SMARCA4: variants seen among roughly 807,000 people sequenced by gnomAD.
SMARCA4 encodes SWI/SNF-related matrix-associated actin-dependent regulator of chromatin subfamily A member 4.
Under a neutral mutation model 193.9 loss-of-function variants are expected in SMARCA4, and 31 were observed. The ratio of observed to expected loss-of-function variants is 0.16; its 90% CI spans 0.12 to 0.22. SMARCA4 has a LOEUF of 0.22. Among genes scored for constraint, SMARCA4 ranks in the 10% least tolerant of loss-of-function variants. The pLI, the probability that SMARCA4 is intolerant of heterozygous loss-of-function variation, is 1.00. For missense variants in SMARCA4, 1,148 were observed against 2,296.0 expected, an observed-to-expected ratio of 0.50 and a Z score of 10.22; for synonymous variants, 942 against 933.1, an observed-to-expected ratio of 1.01 and a Z score of -0.17.
chr19:11,026,187 G>A (rs1192268191), intron 22 of SMARCA4, 113 bp from the exon 23 acceptor site: 12 of 861,018 alleles, frequency 1.4e-5, no homozygotes, highest in East Asian at 4.8e-5. Flanking sequence ...GGCCCGTGCC[G>A]AGCACACAGT....
At chr19:11,054,875 C>G (rs994381087) in intron 30 of SMARCA4, among the ~76,000 whole-genome samples, 1 of 152,170 alleles carries the variant, frequency 6.6e-6, no homozygotes, top group Non-Finnish European at 1.5e-5. Context: ...TGGGGGTGGA[C>G]TCCCCTTTGT....
Position 10,995,189 on chromosome 19 carries a change from C to G in SMARCA4, c.1593+188C>G, listed in dbSNP as rs11881798. On this transcript the variant is annotated intron_variant, in intron 9 of 34. Coordinates refer to ENST00000344626, the MANE Select transcript of SMARCA4 (RefSeq NM_003072.5). Reference sequence around the variant, plus strand: ...TCGGATATTTGCTGATCTCTCTGATCATCAGAATGACTGTGTGACCTCAGG... The same window carrying G: ...TCGGATATTTGCTGATCTCTCTGATGATCAGAATGACTGTGTGACCTCAGG... The G allele has an allele frequency of 4.0e-3, 2,772 of 694,832 alleles. 48 individuals are homozygous for G. The African/African-American group carries it at 0.043, about 11-fold the overall frequency. The allele number at this position is 694,832 out of a possible 1,614,324, so 43.0% of individuals were successfully genotyped here.
chr19:10,994,305 A>G (rs1206786446), intron 8 of SMARCA4, among the ~76,000 whole-genome samples: 2 of 142,796 alleles, frequency 1.4e-5, no homozygotes, highest in Admixed American at 7.2e-5. Flanking sequence ...AGCCTCCCAA[A>G]GCGATATTCT....
Position 11,031,853 on chromosome 19 carries a change from T to C in SMARCA4, c.3546+960T>C, listed in dbSNP as rs1370086069. 2.6e-5 allele frequency: 4 copies of C among 152,256 alleles called. No individual in the cohort carries two copies. Among genetic ancestry groups the C allele is most frequent in the Non-Finnish European group, 5.9e-5 (4 of 68,080 alleles). 9.4% of individuals were successfully genotyped at this position (152,256 alleles called of 1,614,324 possible). A position where few individuals can be genotyped will look rare whatever the true frequency, so the allele number is the denominator to read the frequency against. The stretch of plus-strand genomic sequence containing the variant: ...TGGGGTCGCTCCACCCCAGACATTG[T>C]CCTCTTCGTGTTCTGGTTGCTACTG... On this transcript the variant is annotated intron_variant, in intron 25 of 34. Coordinates refer to ENST00000344626, the MANE Select transcript of SMARCA4 (RefSeq NM_003072.5). This position sits in a 1 kb window ranked among gnomAD's most constrained non-coding sequence, Gnocchi z 4.3.
In SMARCA4 at chr19:11,033,148, A is replaced by G. The variant is rs1159455734; in HGVS notation, c.3547-142A>G. The G allele has an allele frequency of 5.6e-6, 4 of 715,290 alleles. No individual in the cohort carries two copies. The East Asian group carries it at 8.0e-5, about 14-fold the overall frequency. The allele number at this position is 715,290 out of a possible 1,614,324, so 44.3% of individuals were successfully genotyped here. On this transcript the variant is annotated intron_variant, in intron 25 of 34. Coordinates refer to ENST00000344626, the MANE Select transcript of SMARCA4 (RefSeq NM_003072.5). This position sits in a 1 kb window ranked among gnomAD's most constrained non-coding sequence, Gnocchi z 9.8. Reference sequence around the variant, plus strand: ...CCCAGGCTCCACCAGCTCTGTTTTCATGCGGCGGCAGGTCAGGCTGGGCAG... The same window carrying G: ...CCCAGGCTCCACCAGCTCTGTTTTCGTGCGGCGGCAGGTCAGGCTGGGCAG...
intron 1 of SMARCA4, among the ~76,000 whole-genome samples, chr19:10,972,771 G>A (rs1014486428): frequency 1.3e-5 from 2 of 152,168 alleles, no homozygotes; most frequent in Non-Finnish European, 2.9e-5. Context: ...CAGCAGACCC[G>A]GTGGTGGCGC....
chr19:10,974,707 T>A (rs1179252268), intron 1 of SMARCA4, among the ~76,000 whole-genome samples: 69 of 103,664 alleles, frequency 6.7e-4, no homozygotes, highest in African/African-American at 2.4e-3. Flanking sequence ...TTTTTTTTTT[T>A]TTTTTTTTTT....
At position 10,973,567 on chromosome 19, in the gene SMARCA4, AT is replaced by A. The variant is rs35116273; in HGVS notation, c.-31-10534del. Among the ~76,000 whole-genome samples the A allele has an allele frequency of 4.6e-3, 576 of 125,608 alleles. 3 individuals are homozygous for A. The highest frequency in any genetic ancestry group is 9.2e-3 in the African/African-American group (307 of 33,326). The allele number at this position is 125,608 out of a possible 152,430, so 82.4% of individuals were successfully genotyped here. A position where few individuals can be genotyped will look rare whatever the true frequency, so the allele number is the denominator to read the frequency against. On this transcript the variant is annotated intron_variant, in intron 1 of 34. Coordinates refer to ENST00000344626, the MANE Select transcript of SMARCA4 (RefSeq NM_003072.5). ...AGGCCCCCGCCACCACGCCCAGCTAATTTTTTTTTTTTTTTTTTTTGAGACA... is the reference window on the plus strand; with the variant it reads ...AGGCCCCCGCCACCACGCCCAGCTAATTTTTTTTTTTTTTTTTTTGAGACA...
rs574717044 is a variant in SMARCA4, at chr19:11,012,422, C to T, written c.2275-527C>T. 1.3e-4 allele frequency: 24 copies of T among 185,792 alleles called. No individual in the cohort carries two copies. In the South Asian group the frequency reaches 1.8e-3, roughly 14 times the overall value. 11.5% of individuals were successfully genotyped at this position (185,792 alleles called of 1,614,324 possible). On this transcript the variant is annotated intron_variant, in intron 15 of 34. Transcript: ENST00000344626. ...CAGAACTTACTTCCTCAATCCATTA[C>T]GAACATTTCCAAATTTTCCTTCATA...
chr19:11,008,082 G>A (rs2146196757), intron 14 of SMARCA4, 59 bp downstream of exon 14: 2 of 1,574,868 alleles, frequency 1.3e-6, no homozygotes, highest in Non-Finnish European at 1.7e-6. Flanking sequence ...GCGCTGGTGG[G>A]AGTGGCTAGA....
Position 10,985,146 on chromosome 19 carries a change from G to A in SMARCA4, c.223-127G>A. 1.1e-6 allele frequency: 1 copy of A among 924,640 alleles called. No individual in the cohort carries two copies. The highest frequency in any genetic ancestry group is 1.3e-5 in the South Asian group (1 of 74,178). The allele number at this position is 924,640 out of a possible 1,614,324, so 57.3% of individuals were successfully genotyped here. ...TTGCCTTGGAGTCATGCTGGGGACT[G>A]GGGAGATGCGCGTCATCTTCGGGTG... is the stretch of plus-strand genomic sequence containing the variant. On this transcript the variant is annotated intron_variant, in intron 2 of 34. Coordinates refer to ENST00000344626, the MANE Select transcript of SMARCA4 (RefSeq NM_003072.5). This position sits in a 1 kb window ranked among gnomAD's most constrained non-coding sequence, Gnocchi z 4.5.
chr19:10,971,086 C>T (rs769988874), intron 1 of SMARCA4, among the ~76,000 whole-genome samples: 5 of 152,100 alleles, frequency 3.3e-5, no homozygotes, highest in Non-Finnish European at 7.4e-5. Flanking sequence ...ATCCCAGCTA[C>T]TTGAGAGGCT....
rs1182179116 is a variant in SMARCA4, at chr19:11,034,866, C to T, written c.3952-48C>T. ...TCGGTGTTCTGGCTCTAGCGTGCCC[C>T]TGGTGCCTGCATGCTGATGCCTCTC... On this transcript the variant is annotated intron_variant, in intron 28 of 34. Transcript: ENST00000344626. This position sits in a 1 kb window ranked among gnomAD's most constrained non-coding sequence, Gnocchi z 7.0. 1 of 1,300,390 alleles carries T rather than the reference C, an allele frequency of 7.7e-7. No individual in the cohort carries two copies. The highest frequency in any genetic ancestry group is 1.1e-6 in the Non-Finnish European group (1 of 925,778). 80.6% of individuals were successfully genotyped at this position (1,300,390 alleles called of 1,614,324 possible).
intron 30 of SMARCA4, among the ~76,000 whole-genome samples, chr19:11,055,177 T>C (rs998843119): frequency 6.6e-6 from 1 of 151,986 alleles, no homozygotes; most frequent in African/African-American, 2.4e-5. Flanking sequence ...TCTTGTACCT[T>C]GGTTTTGTGT....
chr19:11,020,274 G>A (rs2089743216), intron 18 of SMARCA4, among the ~76,000 whole-genome samples: 1 of 152,086 alleles, frequency 6.6e-6, no homozygotes, highest in South Asian at 2.1e-4. Flanking sequence ...CTGAGAATAC[G>A]GCCCAGATAG....
chr19:11,012,703 A>T lies in SMARCA4; in HGVS notation c.2275-246A>T, dbSNP rs369718293. The T allele has an allele frequency of 1.6e-5, 9 of 547,464 alleles. No individual in the cohort carries two copies. The Admixed American group carries it at 2.4e-4, about 14-fold the overall frequency. 33.9% of individuals were successfully genotyped at this position (547,464 alleles called of 1,614,324 possible). A position where few individuals can be genotyped will look rare whatever the true frequency, so the allele number is the denominator to read the frequency against. ...GTGAGCTGTTGAGATGTGTATTAGA[A>T]ATGTCACACGTGTCCATCGTTCGCA... On this transcript the variant is annotated intron_variant, in intron 15 of 34. Transcript: ENST00000344626.
chr19:11,025,765 C>T (rs981958192), intron 22 of SMARCA4: 2 of 500,772 alleles, frequency 4.0e-6, no homozygotes, highest in East Asian at 3.7e-5. Flanking sequence ...GGAGACTTCT[C>T]TGGGGATGTG....
intron 1 of SMARCA4, among the ~76,000 whole-genome samples, chr19:10,982,133 C>T (rs891000107): frequency 2.6e-5 from 4 of 151,444 alleles, no homozygotes; most frequent in East Asian, 2.0e-4. Flanking sequence ...GAAGGTCAGA[C>T]GTTCGAGACC....
chr19:11,024,311 G>T lies in SMARCA4; in HGVS notation c.2974-20G>T, dbSNP rs1319493127. 6.4e-7 allele frequency: 1 copy of T among 1,573,226 alleles called. No individual in the cohort carries two copies. The highest frequency in any genetic ancestry group is 8.7e-7 in the Non-Finnish European group (1 of 1,143,452). On this transcript the variant is annotated intron_variant, in intron 20 of 34. Coordinates refer to ENST00000344626, the MANE Select transcript of SMARCA4 (RefSeq NM_003072.5). ...CTCAAGCCACCTTGGGCCCTCGTGA[G>T]CATTATGTGTCCCCTGCAGGTGGAG...
Sources: gnomAD v4.1 joint callset for allele counts (sites outside exome capture counted in the v4.1 genomes callset) on GRCh38, gnomAD v4.1.1 for gene constraint, Gnocchi (gnomAD v3.1) non-coding constraint, MANE v1.5 for transcripts, NCBI Gene and HGNC (gene_info 2026-07-23, HGNC 2026-07-21) for gene names.